The following DTWD2 variants were observed in gnomAD, a reference collection of about 807,000 sequenced individuals.
DTWD2 encodes tRNA-uridine aminocarboxypropyltransferase 2.
A neutral mutation model predicts 31.8 loss-of-function variants in DTWD2; 39 were observed. That is an observed-to-expected ratio of 1.22 (90% CI 0.95 to 1.60). The LOEUF (loss-of-function observed/expected upper bound fraction) is 1.60, where lower values mean the gene tolerates loss of function less well. DTWD2 is among the 40% of genes most tolerant of loss of function. DTWD2 has a pLI of 0.00. For missense variants in DTWD2, 515 were observed against 381.5 expected (o/e 1.35, Z -2.92); for synonymous variants, 180 against 142.8 (o/e 1.26, Z -1.86).
chr5:118,952,377 A>G (rs775618597), intron 1 of DTWD2, among the ~76,000 whole-genome samples: 2 of 152,168 alleles, frequency 1.3e-5, no homozygotes, highest in Non-Finnish European at 1.5e-5. Context: ...TGAGTCCAAA[A>G]AGAGTCAGCA....
rs953351500 is a variant in DTWD2, at chr5:118,930,449, C to CA, written c.405-1721dup. 1.2e-3 allele frequency among the ~76,000 whole-genome samples: 173 copies of CA among 149,562 alleles called. 1 individual carries two copies. The highest frequency in any genetic ancestry group is 1.7e-3 in the African/African-American group (70 of 40,776). On this transcript the variant is annotated intron_variant, in intron 3 of 5. Transcript: ENST00000510708. The stretch of plus-strand genomic sequence containing the variant: ...TTGAAAGTCATCAAGCCCATCTTCA[C>CA]AAAAAAAAATGCTAACAAACTGAAA...
intron 4 of DTWD2, among the ~76,000 whole-genome samples, chr5:118,910,884 T>C (rs1753443411): frequency 6.6e-6 from 1 of 152,118 alleles, no homozygotes; most frequent in Non-Finnish European, 1.5e-5. Context: ...TGCTCTCAAA[T>C]GGGGGAAGGC....
chr5:118,963,902 G>A (rs1005542411), intron 1 of DTWD2, among the ~76,000 whole-genome samples: 2 of 152,098 alleles, frequency 1.3e-5, no homozygotes, highest in Non-Finnish European at 2.9e-5. Flanking sequence ...TACCTAACTT[G>A]GTGAAAGAAG....
chr5:118,973,639 G>A (rs766555481), intron 1 of DTWD2, among the ~76,000 whole-genome samples: 3 of 148,878 alleles, frequency 2.0e-5, no homozygotes, highest in Non-Finnish European at 4.4e-5. Flanking sequence ...CCTTGCTCGC[G>A]GCAGCCTCCT....
Position 118,988,356 on chromosome 5 carries a change from C to G in DTWD2, c.156G>C (p.Ala52=), listed in dbSNP as rs1755483257. The G allele has an allele frequency of 6.4e-6, 10 of 1,563,954 alleles. No individual in the cohort carries two copies. Among genetic ancestry groups the G allele is most frequent in the Non-Finnish European group, 8.6e-6 (10 of 1,157,260 alleles). ...CCACCGGCAGCTCCCACAGCCCGTC[C>G]GCACTGTCGTCGTCCGCCTCTGCGC... ...ALGAEADDDS[A]DGLWELPVEP... The change falls in exon 1 of 6, where the codon GCG becomes GCC. Residue 52 remains alanine, a synonymous_variant. Coordinates refer to ENST00000510708, the MANE Select transcript of DTWD2 (RefSeq NM_173666.4).
At chr5:118,939,818 G>T (rs925928480) in intron 2 of DTWD2, among the ~76,000 whole-genome samples, 1 of 152,112 alleles carries the variant, frequency 6.6e-6, no homozygotes, top group Non-Finnish European at 1.5e-5. Context: ...ATCTTAAAGA[G>T]CTCCCAATGG....
intron 4 of DTWD2, among the ~76,000 whole-genome samples, chr5:118,869,924 C>T (rs1257587652): frequency 2.6e-5 from 4 of 152,094 alleles, no homozygotes; most frequent in Non-Finnish European, 2.9e-5. Flanking sequence ...AGCTTAGAAC[C>T]ATCCCCTTGA....
At chr5:118,976,300 AT>A (rs1755157264) in intron 1 of DTWD2, among the ~76,000 whole-genome samples, 1 of 152,194 alleles carries the variant, frequency 6.6e-6, no homozygotes, top group South Asian at 2.1e-4. Flanking sequence ...GAGCAAACAA[AT>A]TCAAAAGCTA....
At chr5:118,877,441 C>T (rs1033106336) in intron 4 of DTWD2, among the ~76,000 whole-genome samples, 2 of 151,722 alleles carry the variant, frequency 1.3e-5, no homozygotes, top group African/African-American at 4.8e-5. Context: ...CACTGCACTC[C>T]AGCCCGGGTG....
At chr5:118,847,160 G>A (rs1292949161) in intron 5 of DTWD2, among the ~76,000 whole-genome samples, 1 of 151,956 alleles carries the variant, frequency 6.6e-6, no homozygotes, top group African/African-American at 2.4e-5. Flanking sequence ...ACTCTGAACT[G>A]AGCTTTCATC....
At chr5:118,853,810 C>T (rs1247706907) in intron 4 of DTWD2, among the ~76,000 whole-genome samples, 5 of 152,244 alleles carry the variant, frequency 3.3e-5, no homozygotes, top group Non-Finnish European at 5.9e-5. Context: ...CAAATCTAAA[C>T]GTCAGGCAAT....
At chr5:118,965,884 T>C (rs1176256107) in intron 1 of DTWD2, among the ~76,000 whole-genome samples, 1 of 151,614 alleles carries the variant, frequency 6.6e-6, no homozygotes, top group African/African-American at 2.4e-5. Flanking sequence ...ACTGTTGTCC[T>C]GTGACCCTGC....
intron 1 of DTWD2, among the ~76,000 whole-genome samples, chr5:118,954,877 TA>T (rs1449592886): frequency 6.6e-6 from 1 of 152,200 alleles, no homozygotes; most frequent in Non-Finnish European, 1.5e-5. Context: ...TTTCTCCTCC[TA>T]TACAATTTTC....
intron 3 of DTWD2, among the ~76,000 whole-genome samples, chr5:118,935,708 T>A (rs1230593915): frequency 6.6e-6 from 1 of 152,144 alleles, no homozygotes; most frequent in African/African-American, 2.4e-5. Context: ...ACGAAATACA[T>A]ATTCACCTAC....
intron 1 of DTWD2, among the ~76,000 whole-genome samples, chr5:118,945,371 G>T (rs1175540043): frequency 1.3e-5 from 2 of 152,104 alleles, no homozygotes; most frequent in African/African-American, 4.8e-5. Context: ...TTCCTTTAGG[G>T]GCAACCAATG....
chr5:118,938,846 A>G (rs887199449), intron 3 of DTWD2, among the ~76,000 whole-genome samples: 63 of 124,418 alleles, frequency 5.1e-4, no homozygotes, highest in Admixed American at 1.0e-3. Context: ...GATATTTAAG[A>G]AAAAAAAAAA....
At chr5:118,933,488 T>C (rs1316315151) in intron 3 of DTWD2, among the ~76,000 whole-genome samples, 4 of 152,168 alleles carry the variant, frequency 2.6e-5, no homozygotes, top group African/African-American at 9.7e-5. Flanking sequence ...GGATGGAAGG[T>C]TGGTTTAACA....
chr5:118,872,031 T>C (rs1752517035), intron 4 of DTWD2, among the ~76,000 whole-genome samples: 1 of 152,212 alleles, frequency 6.6e-6, no homozygotes, highest in Non-Finnish European at 1.5e-5. Context: ...TGCACTTTTT[T>C]GTTAAAGAGA....
At chr5:118,860,316 C>T (rs1752232581) in intron 4 of DTWD2, among the ~76,000 whole-genome samples, 1 of 150,586 alleles carries the variant, frequency 6.6e-6, no homozygotes, top group South Asian at 2.1e-4. Context: ...TGTTCTGTAC[C>T]TTGCACTTTT....
Sources: gnomAD v4.1 joint callset for allele counts (sites outside exome capture counted in the v4.1 genomes callset) on GRCh38, gnomAD v4.1.1 for gene constraint, MANE v1.5 for transcripts, NCBI Gene and HGNC (gene_info 2026-07-23, HGNC 2026-07-21) for gene names.